The following MALRD1 variants were observed in gnomAD, a reference collection of about 807,000 sequenced individuals.
MALRD1 encodes MAM and LDL-receptor class A domain-containing protein 1.
In MALRD1, 247 loss-of-function variants were observed where a neutral mutation model predicts 242.1. The observed-to-expected ratio is 1.02, with a 90% CI of 0.92 to 1.13. MALRD1 has a LOEUF of 1.13. MALRD1 is among the 50% of genes most tolerant of loss of function. The probability of loss-of-function intolerance (pLI) is 0.00; values close to 1 mark genes in which losing one functional copy is unlikely to be tolerated. For synonymous variants in MALRD1, 995 were observed against 866.6 expected, an observed-to-expected ratio of 1.15 and a Z score of -2.60; for missense variants, 2,989 against 2,533.1, an observed-to-expected ratio of 1.18 and a Z score of -3.86.
At chr10:19,344,725 G>A (rs72782381) in intron 24 of MALRD1, among the ~76,000 whole-genome samples, 3,747 of 150,858 alleles carry the variant, frequency 0.025, 77 homozygotes, top group Non-Finnish European at 0.039. Flanking sequence ...TCAATTGGGG[G>A]GGGGGAGTCA....
intron 5 of MALRD1, among the ~76,000 whole-genome samples, chr10:19,105,163 C>G (rs898244824): frequency 1.3e-5 from 2 of 151,982 alleles, no homozygotes; most frequent in Non-Finnish European, 2.9e-5. Flanking sequence ...TATACACACA[C>G]CGTCCATGCT....
upstream of MALRD1, among the ~76,000 whole-genome samples, chr10:19,047,918 A>G (rs374752062): frequency 1.6e-3 from 250 of 152,344 alleles, 1 homozygote; most frequent in African/African-American, 5.7e-3. Context: ...AATTAAAATA[A>G]AATAGTTGAA....
chr10:19,301,173 C>T (rs758756527), intron 21 of MALRD1, among the ~76,000 whole-genome samples: 6 of 151,858 alleles, frequency 4.0e-5, no homozygotes, highest in Non-Finnish European at 7.4e-5. Context: ...CCATCTCAAA[C>T]CTGTCAAAAT....
chr10:19,616,041 G>A, intron 36 of MALRD1, 118 bp downstream of exon 36: 2 of 655,242 alleles, frequency 3.1e-6, no homozygotes, highest in South Asian at 2.2e-5. Context: ...TAAAAATAGT[G>A]GATAATGGTA....
chr10:19,618,263 T>C (rs1192616605), intron 36 of MALRD1, among the ~76,000 whole-genome samples: 1 of 152,094 alleles, frequency 6.6e-6, no homozygotes, highest in Non-Finnish European at 1.5e-5. Flanking sequence ...TTCTACGTCA[T>C]TGCTATTGTG....
chr10:19,472,332 G>A (rs1032831955), intron 29 of MALRD1, among the ~76,000 whole-genome samples: 1 of 151,988 alleles, frequency 6.6e-6, no homozygotes, highest in Non-Finnish European at 1.5e-5. Flanking sequence ...TTGCATGGAT[G>A]TTTATCAGGA....
intron 29 of MALRD1, among the ~76,000 whole-genome samples, chr10:19,451,049 C>A (rs1031180261): frequency 6.6e-6 from 1 of 152,202 alleles, no homozygotes; most frequent in Admixed American, 6.5e-5. Context: ...ATAGCGATAT[C>A]TTCTTCATCT....
chr10:19,721,957 A>G (rs539629346), intron 38 of MALRD1: 1 of 152,368 alleles, frequency 6.6e-6, no homozygotes, highest in South Asian at 2.1e-4. Flanking sequence ...AAACAATAGT[A>G]AAAAATGAAT....
intron 26 of MALRD1, among the ~76,000 whole-genome samples, chr10:19,354,759 C>T (rs1844548883): frequency 6.6e-6 from 1 of 151,922 alleles, no homozygotes; most frequent in Admixed American, 6.6e-5. Context: ...TGGAATGTTC[C>T]CAACATTTAA....
At chr10:19,124,765 A>G (rs1837193454) in intron 7 of MALRD1, 95 bp downstream of exon 7, 1 of 977,358 alleles carries the variant, frequency 1.0e-6, no homozygotes, top group African/African-American at 1.7e-5. Flanking sequence ...CTTGGTGAAT[A>G]TACTGAGTAT....
intron 32 of MALRD1, among the ~76,000 whole-genome samples, chr10:19,560,925 T>A (rs984367695): frequency 1.4e-4 from 21 of 151,974 alleles, no homozygotes; most frequent in African/African-American, 4.8e-4. Flanking sequence ...AACCTGCAGG[T>A]TCTGCACATG....
intron 28 of MALRD1, among the ~76,000 whole-genome samples, chr10:19,396,810 T>A (rs1030274795): frequency 6.6e-6 from 1 of 152,200 alleles, no homozygotes; most frequent in African/African-American, 2.4e-5. Context: ...GACTACTTTG[T>A]GTTCATCAAC....
At chr10:19,183,282 G>A (rs1263732315) in intron 14 of MALRD1, among the ~76,000 whole-genome samples, 1 of 152,018 alleles carries the variant, frequency 6.6e-6, no homozygotes, top group Non-Finnish European at 1.5e-5. Flanking sequence ...ATACAGAGAA[G>A]TAGGAGTCTT....
chr10:19,433,859 A>C (rs114732764), intron 28 of MALRD1, among the ~76,000 whole-genome samples: 1 of 151,966 alleles, frequency 6.6e-6, no homozygotes, highest in African/African-American at 2.4e-5. Context: ...CTTTGCCAGC[A>C]GTTATATGGC....
At chr10:19,070,190 T>C (rs1835100461) in intron 2 of MALRD1, among the ~76,000 whole-genome samples, 1 of 152,150 alleles carries the variant, frequency 6.6e-6, no homozygotes, top group African/African-American at 2.4e-5. Context: ...CAAATTATAA[T>C]AGGATTATGT....
At chr10:19,489,074 G>A (rs1274821019) in intron 29 of MALRD1, 1 of 459,824 alleles carries the variant, frequency 2.2e-6, no homozygotes, top group Admixed American at 2.3e-5. Context: ...CAGGCACCGC[G>A]CACGCGCCTT....
intron 28 of MALRD1, among the ~76,000 whole-genome samples, chr10:19,423,606 A>C (rs1418968472): frequency 6.6e-6 from 1 of 152,142 alleles, no homozygotes; most frequent in Non-Finnish European, 1.5e-5. Context: ...ATGTAGGCAC[A>C]TGGAGAGGTT....
At chr10:19,490,033 A>G (rs2131212478) in intron 29 of MALRD1, among the ~76,000 whole-genome samples, 1 of 152,286 alleles carries the variant, frequency 6.6e-6, no homozygotes, top group South Asian at 2.1e-4. Context: ...CTGGTACTTG[A>G]TAGCCTCTTA....
chr10:19,238,463 A>AATAT lies in MALRD1; in HGVS notation c.2992-19219_2992-19216dup, dbSNP rs1363764543. ...ATAATATACATTATATATAATATAT[A>AATAT]ATATAATATATAATATACATTATAT... On this transcript the variant is annotated intron_variant, in intron 18 of 39. Coordinates refer to ENST00000454679, the MANE Select transcript of MALRD1 (RefSeq NM_001142308.3). 1.1e-4 allele frequency among the ~76,000 whole-genome samples: 4 copies of AATAT among 36,978 alleles called. 1 individual carries two copies. Among genetic ancestry groups the AATAT allele is most frequent in the Non-Finnish European group, 1.6e-4 (4 of 25,144 alleles). The allele number at this position is 36,978 out of a possible 152,430, so 24.3% of individuals were successfully genotyped here.
Sources: allele counts gnomAD v4.1 joint callset (sites outside exome capture counted in the v4.1 genomes callset), GRCh38; gene constraint gnomAD v4.1.1; transcripts MANE v1.5; gene names NCBI Gene and HGNC (gene_info 2026-07-23, HGNC 2026-07-21).